The following EXTL3 variants were observed in gnomAD, a reference collection of about 807,000 sequenced individuals.
The protein encoded by EXTL3 is exostosin like glycosyltransferase 3.
In EXTL3, 27 loss-of-function variants were observed where a neutral mutation model predicts 69.3. The ratio of observed to expected loss-of-function variants is 0.39; its 90% CI spans 0.29 to 0.54. EXTL3 has a LOEUF of 0.54. EXTL3 is among the 20% of genes least tolerant of loss of function. The pLI, the probability that EXTL3 is intolerant of heterozygous loss-of-function variation, is 0.69. For missense variants in EXTL3, 1,003 were observed against 1,231.8 expected (o/e 0.81, Z 2.78); for synonymous variants, 511 against 499.4 (o/e 1.02, Z -0.31).
chr8:28,691,571 G>A (rs368967419), intron 1 of EXTL3, among the ~76,000 whole-genome samples: 1 of 66,006 alleles, frequency 1.5e-5, no homozygotes. Flanking sequence ...CAGTTTTTGT[G>A]ATTTTTTTTT....
At chr8:28,628,178 A>G (rs1806522937) in intron 1 of EXTL3, among the ~76,000 whole-genome samples, 1 of 152,196 alleles carries the variant, frequency 6.6e-6, no homozygotes, top group Non-Finnish European at 1.5e-5. Flanking sequence ...CCCAGCCAAC[A>G]TGGTGAAACC....
intron 2 of EXTL3, among the ~76,000 whole-genome samples, chr8:28,714,005 C>T (rs1468828611): frequency 6.8e-6 from 1 of 146,192 alleles, no homozygotes; most frequent in Non-Finnish European, 1.5e-5. Context: ...CTCCCGGGTT[C>T]AGGCGATTCT....
intron 1 of EXTL3, among the ~76,000 whole-genome samples, chr8:28,707,812 C>A (rs889489460): frequency 3.3e-5 from 5 of 152,096 alleles, no homozygotes; most frequent in African/African-American, 1.2e-4. Flanking sequence ...TAAAACAATA[C>A]GATTTGGATT....
Position 28,717,089 on chromosome 8 carries a change from A to C in EXTL3, c.1030A>C (p.Thr344Pro). 1 of 1,613,970 alleles carries C rather than the reference A, an allele frequency of 6.2e-7. No individual in the cohort carries two copies. The highest frequency in any genetic ancestry group is 8.5e-7 in the Non-Finnish European group (1 of 1,179,976). ...QVPVKRKYLF[T>P]FQGEKIESLR... ...GCCGGTGAAGCGGAAATATCTCTTCACCTTCCAGGGCGAGAAGATTGAGTC... is the reference window on the plus strand; with the variant it reads ...GCCGGTGAAGCGGAAATATCTCTTCCCCTTCCAGGGCGAGAAGATTGAGTC... The change falls in exon 3 of 7, where the codon ACC becomes CCC. Residue 344 changes from threonine (T) to proline (P), a missense_variant. Thr to Pro is a conservative substitution (Grantham distance 38). Coordinates refer to ENST00000220562, the MANE Select transcript of EXTL3 (RefSeq NM_001440.4). The surrounding 1 kb of genome is among the most constrained non-coding windows in gnomAD (Gnocchi z 8.3).
intron 4 of EXTL3, among the ~76,000 whole-genome samples, chr8:28,731,581 A>C (rs1801539571): frequency 6.6e-6 from 1 of 152,154 alleles, no homozygotes; most frequent in Non-Finnish European, 1.5e-5. Flanking sequence ...GTGGCCAGGA[A>C]GGTGGAATTC....
In EXTL3 at chr8:28,716,195, A is replaced by G. The variant is rs1206548528; in HGVS notation, c.136A>G (p.Ile46Val). The part of the protein sequence containing the change: ...LFVILVFFPL[I>V]AHYYLTTLDE... ...TGTCATCCTGGTCTTCTTCCCGCTC[A>G]TCGCCCACTATTACCTCACCACTCT... is the stretch of plus-strand genomic sequence containing the variant. The change falls in exon 3 of 7, where the codon ATC (isoleucine) becomes GTC (valine). Residue 46 changes from isoleucine (I) to valine (V), a missense_variant. Physicochemically the swap from Ile to Val is conservative, Grantham distance 29. Coordinates refer to ENST00000220562, the MANE Select transcript of EXTL3 (RefSeq NM_001440.4). This position sits in a 1 kb window ranked among gnomAD's most constrained non-coding sequence, Gnocchi z 7.1. 6.2e-7 allele frequency: 1 copy of G among 1,614,188 alleles called. No homozygotes were observed. The highest frequency in any genetic ancestry group is 1.6e-4 in the Middle Eastern group (1 of 6,062).
chr8:28,687,896 TAGGA>T, intron 1 of EXTL3, among the ~76,000 whole-genome samples: 1 of 152,200 alleles, frequency 6.6e-6, no homozygotes, highest in Non-Finnish European at 1.5e-5. Flanking sequence ...ATAACGAATT[TAGGA>T]AGTTGCTGGT....
chr8:28,675,462 C>T (rs1289651394), intron 1 of EXTL3, among the ~76,000 whole-genome samples: 2 of 152,126 alleles, frequency 1.3e-5, no homozygotes, highest in Non-Finnish European at 2.9e-5. Flanking sequence ...AAGGAAAAGT[C>T]CACTGCAGCA....
chr8:28,702,167 C>G (rs1400528367), intron 1 of EXTL3, among the ~76,000 whole-genome samples: 1 of 151,968 alleles, frequency 6.6e-6, no homozygotes, highest in African/African-American at 2.4e-5. Flanking sequence ...ATCTGCCCCC[C>G]GCTTCTACAC....
chr8:28,643,408 C>CT (rs1554547968), intron 1 of EXTL3, among the ~76,000 whole-genome samples: 3 of 136,992 alleles, frequency 2.2e-5, no homozygotes, highest in East Asian at 4.1e-4. Flanking sequence ...CTCCTGCTTT[C>CT]TTTTTTTTTC....
intron 5 of EXTL3, chr8:28,741,215 T>C (rs1387842399): frequency 6.6e-6 from 1 of 152,242 alleles, no homozygotes; most frequent in Non-Finnish European, 1.5e-5. Flanking sequence ...AAATCATTTT[T>C]GACAGCAAAA....
intron 1 of EXTL3, among the ~76,000 whole-genome samples, chr8:28,682,297 T>C (rs1273906384): frequency 6.6e-6 from 1 of 152,204 alleles, no homozygotes; most frequent in Non-Finnish European, 1.5e-5. Context: ...TAAATTGGGT[T>C]ATTAGTTTCC....
chr8:28,621,336 AC>A (rs1806406781), upstream of EXTL3, among the ~76,000 whole-genome samples: 1 of 152,212 alleles, frequency 6.6e-6, no homozygotes, highest in Non-Finnish European at 1.5e-5. Flanking sequence ...TGCCACGTGT[AC>A]ATGAAGCTGG....
chr8:28,672,004 C>T (rs937216757), intron 1 of EXTL3, among the ~76,000 whole-genome samples: 4 of 152,158 alleles, frequency 2.6e-5, no homozygotes, highest in Admixed American at 2.0e-4. Context: ...TATGTTCCTC[C>T]GCTTTCCCAA....
chr8:28,726,119 C>T (rs1172919394), intron 3 of EXTL3, among the ~76,000 whole-genome samples: 2 of 152,062 alleles, frequency 1.3e-5, no homozygotes, highest in Non-Finnish European at 2.9e-5. Flanking sequence ...CCACGCCCGG[C>T]TAATTTTTGT....
chr8:28,643,418 C>CTTTTTTCCTTT (rs1806775519), intron 1 of EXTL3, among the ~76,000 whole-genome samples: 2 of 100,256 alleles, frequency 2.0e-5, no homozygotes, highest in African/African-American at 9.2e-5. Context: ...CTTTTTTTTT[C>CTTTTTTCCTTT]TTTTTTTCTT....
chr8:28,714,528 A>C (rs866305202), intron 2 of EXTL3, among the ~76,000 whole-genome samples: 6 of 152,156 alleles, frequency 3.9e-5, no homozygotes, highest in African/African-American at 1.4e-4. Context: ...AAGTTCCATG[A>C]GGTCAAGGAT....
intron 2 of EXTL3, among the ~76,000 whole-genome samples, chr8:28,612,479 A>G (rs1806284092): frequency 1.3e-5 from 2 of 149,952 alleles, no homozygotes; most frequent in Admixed American, 1.3e-4. Flanking sequence ...AAAAAAAAAG[A>G]AAAAAGAAAA....
At chr8:28,647,774 CT>C (rs1466535458) in intron 1 of EXTL3, among the ~76,000 whole-genome samples, 1 of 152,056 alleles carries the variant, frequency 6.6e-6, no homozygotes, top group Non-Finnish European at 1.5e-5. Context: ...TTAATTATCT[CT>C]GCAGGAAATG....
Sources: allele counts gnomAD v4.1 joint callset (sites outside exome capture counted in the v4.1 genomes callset), GRCh38; gene constraint gnomAD v4.1.1; non-coding constraint Gnocchi (gnomAD v3.1); transcripts MANE v1.5; gene names NCBI Gene and HGNC (gene_info 2026-07-23, HGNC 2026-07-21).